SEMA3E: variants seen among roughly 807,000 people sequenced by gnomAD.
SEMA3E encodes semaphorin-3E.
Under a neutral mutation model 93.6 loss-of-function variants are expected in SEMA3E, and 49 were observed. The ratio of observed to expected loss-of-function variants is 0.52; its 90% CI spans 0.42 to 0.66. The LOEUF (loss-of-function observed/expected upper bound fraction) is 0.66. SEMA3E is among the 30% of genes least tolerant of loss of function. The pLI is 0.00. For synonymous variants in SEMA3E, 363 were observed against 330.7 expected, an observed-to-expected ratio of 1.10 and a Z score of -1.06; for missense variants, 906 against 964.8, an observed-to-expected ratio of 0.94 and a Z score of 0.81.
chr7:83,395,271 C>T (rs1453396890), intron 12 of SEMA3E, among the ~76,000 whole-genome samples: 6 of 152,150 alleles, frequency 3.9e-5, no homozygotes, highest in South Asian at 4.1e-4. Context: ...ATAGCTGCTC[C>T]GGTTGATATA....
At position 83,370,864 on chromosome 7, in the gene SEMA3E, T is replaced by C. The variant is rs570114421; in HGVS notation, c.1876-2826A>G. 6.1e-4 allele frequency among the ~76,000 whole-genome samples: 93 copies of C among 152,298 alleles called. No individual in the cohort carries two copies. The South Asian group carries it at 0.018, about 30-fold the overall frequency. On this transcript the variant is annotated intron_variant, in intron 16 of 16. Transcript: ENST00000643230. ...TTTCAACAAATGGATACTAATTTAC[T>C]CTTCTTTAAAGCTCACTTTCTTTTG... is the stretch of plus-strand genomic sequence containing the variant.
At chr7:83,487,523 A>T (rs997246120) in intron 2 of SEMA3E, among the ~76,000 whole-genome samples, 5 of 152,070 alleles carry the variant, frequency 3.3e-5, no homozygotes, top group African/African-American at 1.2e-4. Flanking sequence ...TCCTTCACAG[A>T]AAATCAGAGT....
intron 1 of SEMA3E, among the ~76,000 whole-genome samples, chr7:83,607,890 G>C (rs1793160294): frequency 6.6e-6 from 1 of 152,090 alleles, no homozygotes. Flanking sequence ...TTTAATTAGA[G>C]GTGTGGTATA....
In SEMA3E at chr7:83,449,591, G is replaced by A. The variant is rs1470683829; in HGVS notation, c.456+16891C>T. 2.6e-5 allele frequency among the ~76,000 whole-genome samples: 4 copies of A among 152,050 alleles called. No individual in the cohort carries two copies. The East Asian group carries it at 7.7e-4, about 29-fold the overall frequency. ...AAACCCAGGTATTCTTGAATCAAAAGCTTATATCATTAATCTCTACTCCCT... is the reference window on the plus strand; with the variant it reads ...AAACCCAGGTATTCTTGAATCAAAAACTTATATCATTAATCTCTACTCCCT... On this transcript the variant is annotated intron_variant, in intron 4 of 16. Transcript: ENST00000643230.
rs1788606494 is a variant in SEMA3E, at chr7:83,418,596, G to A, written c.457-113C>T. ...ATTTATAAAGCATGTATTCTAAATA[G>A]AGCACCAGTAGCATCAATTTATTTA... On this transcript the variant is annotated intron_variant, in intron 4 of 16. Transcript: ENST00000643230. 3.9e-6 allele frequency: 3 copies of A among 775,606 alleles called. No individual in the cohort carries two copies. The Admixed American group carries it at 6.1e-5, about 16-fold the overall frequency. 48.0% of individuals were successfully genotyped at this position (775,606 alleles called of 1,614,324 possible).
At chr7:83,574,769 C>T (rs890237867) in intron 1 of SEMA3E, among the ~76,000 whole-genome samples, 3 of 152,032 alleles carry the variant, frequency 2.0e-5, no homozygotes, top group Non-Finnish European at 2.9e-5. Context: ...CAATAATCCC[C>T]AATTATCTGC....
chr7:83,580,481 ACCT>A (rs1351519201), intron 1 of SEMA3E, among the ~76,000 whole-genome samples: 1 of 151,804 alleles, frequency 6.6e-6, no homozygotes, highest in Non-Finnish European at 1.5e-5. Flanking sequence ...GTGCATCCCT[ACCT>A]CTTTACTTTC....
intron 1 of SEMA3E, among the ~76,000 whole-genome samples, chr7:83,648,210 G>T (rs888240629): frequency 7.2e-5 from 11 of 152,110 alleles, no homozygotes; most frequent in African/African-American, 2.7e-4. Flanking sequence ...ACATCTCTAA[G>T]TTGACATGTG....
At chr7:83,445,272 T>C (rs1789202519) in intron 4 of SEMA3E, among the ~76,000 whole-genome samples, 1 of 152,220 alleles carries the variant, frequency 6.6e-6, no homozygotes, top group African/African-American at 2.4e-5. Context: ...GTAGGTTAAG[T>C]AAGCTTGAGG....
In SEMA3E at chr7:83,365,799, T is replaced by A. The variant is rs1238352494; in HGVS notation, c.*1787A>T. 1 of 152,146 alleles carries A rather than the reference T, an allele frequency of 6.6e-6. No individual in the cohort carries two copies. Among genetic ancestry groups the A allele is most frequent in the Admixed American group, 6.6e-5 (1 of 15,256 alleles). 9.4% of individuals were successfully genotyped at this position (152,146 alleles called of 1,614,324 possible). Reference sequence around the variant, plus strand: ...AATAAAGTGTACTTAATTGACTTATTTGTTCAGACATAAACTTTGTAAGGC... The same window carrying A: ...AATAAAGTGTACTTAATTGACTTATATGTTCAGACATAAACTTTGTAAGGC... On this transcript the variant is annotated 3_prime_UTR_variant, in exon 17 of 17. Coordinates refer to ENST00000643230, the MANE Select transcript of SEMA3E (RefSeq NM_012431.3).
rs980845264 is a variant in SEMA3E at position 83,381,521 on chromosome 7, C to T, written c.1875+3773G>A. The stretch of plus-strand genomic sequence containing the variant: ...CACCCTTTTAAAATTCTAACCTCTC[C>T]CTATAATTTAATCTCCCTTGCATTT... On this transcript the variant is annotated intron_variant, in intron 16 of 16. Transcript: ENST00000643230. 4.6e-5 allele frequency among the ~76,000 whole-genome samples: 7 copies of T among 151,850 alleles called. 1 individual carries two copies. In the South Asian group the frequency reaches 6.2e-4, roughly 13 times the overall value.
chr7:83,536,429 T>C (rs1465351447), intron 1 of SEMA3E, among the ~76,000 whole-genome samples: 1 of 152,120 alleles, frequency 6.6e-6, no homozygotes, highest in Non-Finnish European at 1.5e-5. Context: ...AATATAAATG[T>C]ACCTGAGGAA....
At chr7:83,559,762 C>T (rs764729405) in intron 1 of SEMA3E, among the ~76,000 whole-genome samples, 1 of 152,038 alleles carries the variant, frequency 6.6e-6, no homozygotes, top group Non-Finnish European at 1.5e-5. Flanking sequence ...ACACAAAACC[C>T]TGCACACTGA....
rs201524362 is a variant in SEMA3E at position 83,402,623 on chromosome 7, T to C, written c.1143+9A>G. On this transcript the variant is annotated intron_variant, in intron 10 of 16. Transcript: ENST00000643230. ...AAATAAGAATTATTTGTTATATAAC[T>C]AAACTTACAGAACCAGGCCTTGGAT... 40 of 1,609,902 alleles carry C rather than the reference T, an allele frequency of 2.5e-5. No homozygotes were observed. The East Asian group carries it at 8.9e-4, about 36-fold the overall frequency.
chr7:83,373,594 A>C (rs1418495870), intron 16 of SEMA3E, among the ~76,000 whole-genome samples: 1 of 152,142 alleles, frequency 6.6e-6, no homozygotes, highest in Non-Finnish European at 1.5e-5. Flanking sequence ...CTACGTGGAG[A>C]AGAACAAATG....
intron 1 of SEMA3E, among the ~76,000 whole-genome samples, chr7:83,513,191 G>A (rs1790859012): frequency 6.6e-6 from 1 of 152,104 alleles, no homozygotes; most frequent in Non-Finnish European, 1.5e-5. Flanking sequence ...CAAGTAATAG[G>A]TGGCTACCAG....
intron 1 of SEMA3E, among the ~76,000 whole-genome samples, chr7:83,539,534 C>T (rs773560969): frequency 3.3e-5 from 5 of 152,160 alleles, no homozygotes; most frequent in African/African-American, 4.8e-5. Context: ...TGAATTGGCT[C>T]TAAGCCTCCT....
chr7:83,553,256 C>A (rs1418639423), intron 1 of SEMA3E, among the ~76,000 whole-genome samples: 3 of 152,188 alleles, frequency 2.0e-5, no homozygotes, highest in Admixed American at 6.5e-5. Context: ...TGGGTTCCCC[C>A]AATACTGCAT....
chr7:83,377,835 C>T (rs1247819811), intron 16 of SEMA3E, among the ~76,000 whole-genome samples: 1 of 151,890 alleles, frequency 6.6e-6, no homozygotes, highest in Non-Finnish European at 1.5e-5. Flanking sequence ...AAATGTAGTG[C>T]TTATCCATTT....
Sources: gnomAD v4.1 joint callset for allele counts (sites outside exome capture counted in the v4.1 genomes callset) on GRCh38, gnomAD v4.1.1 for gene constraint, MANE v1.5 for transcripts, NCBI Gene and HGNC (gene_info 2026-07-23, HGNC 2026-07-21) for gene names.